The following DZIP1 variants were observed in gnomAD, a reference collection of about 807,000 sequenced individuals.
The protein encoded by DZIP1 is cilium assembly protein DZIP1.
Under a neutral mutation model 107.6 loss-of-function variants are expected in DZIP1, and 97 were observed. That is an observed-to-expected ratio of 0.90 (90% CI 0.77 to 1.07). The LOEUF is 1.07. DZIP1 is among the 50% of genes least tolerant of loss of function. The pLI, the probability that DZIP1 is intolerant of heterozygous loss-of-function variation, is 0.00. For missense variants in DZIP1, 1,035 were observed against 1,063.6 expected (o/e 0.97, Z 0.37); for synonymous variants, 390 against 386.4 (o/e 1.01, Z -0.11).
intron 16 of DZIP1, among the ~76,000 whole-genome samples, chr13:95,592,938 C>T (rs184855791): frequency 2.1e-3 from 319 of 152,278 alleles, no homozygotes; most frequent in Admixed American, 5.6e-3. Context: ...AATACCCTTT[C>T]CCTCCGATTG....
At chr13:95,613,421 G>A (rs1170099138) in intron 10 of DZIP1, among the ~76,000 whole-genome samples, 1 of 152,002 alleles carries the variant, frequency 6.6e-6, no homozygotes, top group Non-Finnish European at 1.5e-5. Flanking sequence ...GCTGAGGCAG[G>A]AGAATTTTTG....
chr13:95,616,159 T>C (rs1249177703), intron 10 of DZIP1, among the ~76,000 whole-genome samples: 1 of 152,202 alleles, frequency 6.6e-6, no homozygotes, highest in African/African-American at 2.4e-5. Context: ...CCTGGGATCC[T>C]GCATCTTAGC....
In DZIP1 at chr13:95,579,857, G is replaced by A. The variant is rs1466326067; in HGVS notation, c.*2377C>T. The A allele has an allele frequency of 1.3e-5, 2 of 152,206 alleles. No individual in the cohort carries two copies. Among genetic ancestry groups the A allele is most frequent in the African/African-American group, 4.8e-5 (2 of 41,440 alleles). 9.4% of individuals were successfully genotyped at this position (152,206 alleles called of 1,614,324 possible). A position where few individuals can be genotyped will look rare whatever the true frequency, so the allele number is the denominator to read the frequency against. ...CAGTGTGGGACAGGGTTGTGTAGGT[G>A]TGCATTTCAAACACATTTATTATTC... On this transcript the variant is annotated 3_prime_UTR_variant, in exon 23 of 23. Transcript: ENST00000376829.
At position 95,582,165 on chromosome 13, in the gene DZIP1, G is replaced by T; in HGVS notation, c.*69C>A. The T allele has an allele frequency of 6.8e-7, 1 of 1,466,914 alleles. No individual in the cohort carries two copies. The highest frequency in any genetic ancestry group is 9.5e-7 in the Non-Finnish European group (1 of 1,047,186). 90.9% of individuals were successfully genotyped at this position (1,466,914 alleles called of 1,614,324 possible). A position where few individuals can be genotyped will look rare whatever the true frequency, so the allele number is the denominator to read the frequency against. On this transcript the variant is annotated 3_prime_UTR_variant, in exon 23 of 23. Coordinates refer to ENST00000376829, the MANE Select transcript of DZIP1 (RefSeq NM_198968.4). ...AAGGCAGAAGCACTAGAATCATGGA[G>T]GCAAATTACTGAAACACTGTGATAC...
At chr13:95,597,582 G>A (rs931861327) in intron 15 of DZIP1, among the ~76,000 whole-genome samples, 1 of 152,096 alleles carries the variant, frequency 6.6e-6, no homozygotes, top group Non-Finnish European at 1.5e-5. Context: ...AAGCTTAAAC[G>A]CCTACATAAA....
Position 95,612,184 on chromosome 13 carries a change from A to G in DZIP1, c.1174-7T>C. On this transcript the variant is annotated splice_region_variant and splice_polypyrimidine_tract_variant and intron_variant, in intron 10 of 22. Transcript: ENST00000376829. ...TCTCTATATGTGACAGGAGCTGAAAAAAAGTTAAGAAAGGCATCCATCTGT... is the reference window on the plus strand; with the variant it reads ...TCTCTATATGTGACAGGAGCTGAAAGAAAGTTAAGAAAGGCATCCATCTGT... 1 of 1,606,672 alleles carries G rather than the reference A, an allele frequency of 6.2e-7. No individual in the cohort carries two copies.
intron 10 of DZIP1, among the ~76,000 whole-genome samples, chr13:95,614,125 CAAAAA>C (rs11327779): frequency 1.4e-5 from 1 of 73,426 alleles, no homozygotes; most frequent in Non-Finnish European, 2.8e-5. Flanking sequence ...GACCCTGTCT[CAAAAA>C]AAAAAAAAAA....
At chr13:95,617,605 CA>C (rs1875280122) in intron 10 of DZIP1, among the ~76,000 whole-genome samples, 1 of 147,652 alleles carries the variant, frequency 6.8e-6, no homozygotes, top group Non-Finnish European at 1.5e-5. Context: ...CAATGAAAAC[CA>C]GGTATAAAAG....
At chr13:95,622,542 T>C in intron 8 of DZIP1, 62 bp from the exon 9 acceptor site, 2 of 1,593,604 alleles carry the variant, frequency 1.3e-6, no homozygotes, top group Non-Finnish European at 1.7e-6. Context: ...AAACAGAGAA[T>C]AAAATCAGGG....
At chr13:95,643,278 C>G (rs939063625) in intron 2 of DZIP1, 21 bp from the exon 3 acceptor site, 2 of 151,792 alleles carry the variant, frequency 1.3e-5, no homozygotes, top group Non-Finnish European at 2.9e-5. Flanking sequence ...AATATGTGAA[C>G]AGAAGAAAGG....
chr13:95,630,100 A>G lies in DZIP1; in HGVS notation c.699T>C (p.Asn233=). 1.9e-6 allele frequency: 3 copies of G among 1,607,904 alleles called. No individual in the cohort carries two copies. The highest frequency in any genetic ancestry group is 2.2e-5 in the South Asian group (2 of 89,600). Residue 233 remains asparagine, a synonymous_variant, in exon 7 of 23, where the codon AAT becomes AAC. Transcript: ENST00000376829. ...CACTCCGGAGCTTCTCAATCTGTGC[A>G]TTTTTCTGATACTCTGTTGCAACAG... ...EENSHFEYQK[N]AQIEKLRSEI... is the part of the protein sequence containing the mutation.
intron 22 of DZIP1, among the ~76,000 whole-genome samples, chr13:95,583,400 C>CA (rs1354478128): frequency 2.0e-5 from 3 of 152,034 alleles, no homozygotes; most frequent in Non-Finnish European, 4.4e-5. Flanking sequence ...TATCTAAAGT[C>CA]AATGAATCAA....
In DZIP1 at chr13:95,590,276, T is replaced by C; in HGVS notation, c.1843+3A>G. The C allele has an allele frequency of 1.9e-6, 3 of 1,604,280 alleles. No individual in the cohort carries two copies. Among genetic ancestry groups the C allele is most frequent in the Non-Finnish European group, 2.5e-6 (3 of 1,176,766 alleles). On this transcript the variant is annotated splice_donor_region_variant and intron_variant, in intron 17 of 22. Coordinates refer to ENST00000376829, the MANE Select transcript of DZIP1 (RefSeq NM_198968.4). ...TCCCATTTGCAGTGGGTAACAAGCT[T>C]ACCTGAAGAGAGTAGTGCTTTCTCC...
At chr13:95,608,657 T>C (rs1290542656) in intron 13 of DZIP1, among the ~76,000 whole-genome samples, 3 of 152,186 alleles carry the variant, frequency 2.0e-5, no homozygotes, top group African/African-American at 7.2e-5. Flanking sequence ...TCTCCTTAAC[T>C]ACTGCTTAAC....
At chr13:95,592,506 G>A (rs2044336606) in intron 16 of DZIP1, among the ~76,000 whole-genome samples, 1 of 152,150 alleles carries the variant, frequency 6.6e-6, no homozygotes, top group African/African-American at 2.4e-5. Context: ...TGAAAGATGT[G>A]GAGCAACTGA....
chr13:95,597,901 C>T (rs957788735), intron 15 of DZIP1, among the ~76,000 whole-genome samples: 10 of 152,078 alleles, frequency 6.6e-5, no homozygotes, highest in Non-Finnish European at 1.3e-4. Flanking sequence ...AACAAGTCAG[C>T]GTCTGTGGAA....
rs368276400 is a variant in DZIP1, at chr13:95,610,111, T to TGTGTGTGAGA, written c.1364-599_1364-598insTCTCACACAC. On this transcript the variant is annotated intron_variant, in intron 12 of 22. Coordinates refer to ENST00000376829, the MANE Select transcript of DZIP1 (RefSeq NM_198968.4). ...GTGTGTGTGTGTGTGTGTGTGTGTG[T>TGTGTGTGAGA]GAGAGAGAGACAGAGAGAGAGAGAC... Among the ~76,000 whole-genome samples the TGTGTGTGAGA allele has an allele frequency of 3.6e-4, 45 of 126,752 alleles. 1 individual carries two copies. The highest frequency in any genetic ancestry group is 1.6e-3 in the East Asian group (7 of 4,474). The allele number at this position is 126,752 out of a possible 152,430, so 83.2% of individuals were successfully genotyped here.
At chr13:95,592,100 T>C (rs2044325953) in intron 16 of DZIP1, among the ~76,000 whole-genome samples, 1 of 152,132 alleles carries the variant, frequency 6.6e-6, no homozygotes, top group Non-Finnish European at 1.5e-5. Flanking sequence ...ATGGAGAAAC[T>C]ATGGATTATT....
At chr13:95,591,413 G>T (rs1382024877) in intron 16 of DZIP1, among the ~76,000 whole-genome samples, 1 of 152,150 alleles carries the variant, frequency 6.6e-6, no homozygotes, top group Admixed American at 6.5e-5. Context: ...CTAGACAGAA[G>T]AAAACTAGTT....
Sources: gnomAD v4.1 joint callset for allele counts (sites outside exome capture counted in the v4.1 genomes callset) on GRCh38, gnomAD v4.1.1 for gene constraint, MANE v1.5 for transcripts, NCBI Gene and HGNC (gene_info 2026-07-23, HGNC 2026-07-21) for gene names.